PARD3B: variants seen among roughly 807,000 people sequenced by gnomAD.
The protein encoded by PARD3B is par-3 family cell polarity regulator beta.
PARD3B carries 103 observed loss-of-function variants against 130.2 expected under a neutral mutation model. The ratio of observed to expected loss-of-function variants is 0.79; its 90% CI spans 0.67 to 0.93. The LOEUF (loss-of-function observed/expected upper bound fraction) is 0.93, where lower values mean the gene tolerates loss of function less well. PARD3B is among the 40% of genes least tolerant of loss of function. The pLI, the probability that PARD3B is intolerant of heterozygous loss-of-function variation, is 0.00. For missense variants in PARD3B, 1,609 were observed against 1,499.2 expected, an observed-to-expected ratio of 1.07 and a Z score of -1.21; for synonymous variants, 583 against 553.2, an observed-to-expected ratio of 1.05 and a Z score of -0.76.
intron 2 of PARD3B, among the ~76,000 whole-genome samples, chr2:204,750,779 C>G (rs925221090): frequency 6.6e-6 from 1 of 152,110 alleles, no homozygotes; most frequent in African/African-American, 2.4e-5. Context: ...AGCTGGATGG[C>G]TTTGTTTGAC....
intron 18 of PARD3B, among the ~76,000 whole-genome samples, chr2:205,342,683 G>A (rs907161239): frequency 6.6e-6 from 1 of 152,066 alleles, no homozygotes; most frequent in Non-Finnish European, 1.5e-5. Context: ...TTACATCATG[G>A]TATTATTAGT....
intron 18 of PARD3B, among the ~76,000 whole-genome samples, chr2:205,368,857 AAAC>A (rs1422196947): frequency 2.6e-5 from 2 of 78,162 alleles, no homozygotes; most frequent in Admixed American, 2.0e-4. Context: ...GAGCTTGGGA[AAAC>A]AAAAAAAAAA....
rs369207159 is a variant in PARD3B at position 205,262,735 on chromosome 2, G to T, written c.2185+16913G>T. On this transcript the variant is annotated intron_variant, in intron 16 of 22. Coordinates refer to ENST00000406610, the MANE Select transcript of PARD3B (RefSeq NM_001302769.2). ...CTAAACACTATGTAGGGGAATACATGACATGAAAAGTCCTGACCTCTGTTT... is the reference window on the plus strand; with the variant it reads ...CTAAACACTATGTAGGGGAATACATTACATGAAAAGTCCTGACCTCTGTTT... Among the ~76,000 whole-genome samples the T allele has an allele frequency of 4.6e-5, 7 of 152,194 alleles. No individual in the cohort carries two copies. The East Asian group carries it at 1.4e-3, about 29-fold the overall frequency.
chr2:204,634,399 T>A (rs1481517276), intron 1 of PARD3B, among the ~76,000 whole-genome samples: 1 of 152,176 alleles, frequency 6.6e-6, no homozygotes, highest in Non-Finnish European at 1.5e-5. Flanking sequence ...TGTTTATGGA[T>A]ACTTAAAGTT....
At chr2:205,522,497 G>A (rs575960613) in intron 21 of PARD3B, among the ~76,000 whole-genome samples, 14 of 151,888 alleles carry the variant, frequency 9.2e-5, no homozygotes, top group South Asian at 2.1e-4. Context: ...AACTATTGTC[G>A]TTAAAAAAAA....
Position 205,105,736 on chromosome 2 carries a change from G to A in PARD3B, c.593+1222G>A, listed in dbSNP as rs567228352. 4.0e-5 allele frequency among the ~76,000 whole-genome samples: 6 copies of A among 151,584 alleles called. No individual in the cohort carries two copies. In the South Asian group the frequency reaches 1.0e-3, roughly 26 times the overall value. ...GAGGATCACTTGAGTGCAGGAGTTC[G>A]AGTCCATCTTGCAACATAGGGAGAC... is the stretch of plus-strand genomic sequence containing the variant. On this transcript the variant is annotated intron_variant, in intron 5 of 22. Coordinates refer to ENST00000406610, the MANE Select transcript of PARD3B (RefSeq NM_001302769.2). The surrounding 1 kb of genome is among the most constrained non-coding windows in gnomAD (Gnocchi z 4.0).
chr2:205,522,434 C>T (rs1039651742), intron 21 of PARD3B, among the ~76,000 whole-genome samples: 8 of 151,900 alleles, frequency 5.3e-5, no homozygotes, highest in East Asian at 1.9e-4. Context: ...AGGACAGCGA[C>T]GTCTCCCATT....
chr2:204,684,328 C>T (rs555467253), intron 1 of PARD3B, among the ~76,000 whole-genome samples: 2 of 152,080 alleles, frequency 1.3e-5, no homozygotes, highest in Non-Finnish European at 2.9e-5. Context: ...TGGTTAAAAT[C>T]AACAGATTTC....
intron 18 of PARD3B, among the ~76,000 whole-genome samples, chr2:205,354,324 C>CT: frequency 6.6e-6 from 1 of 152,138 alleles, no homozygotes; most frequent in Middle Eastern, 3.4e-3. Flanking sequence ...GCAGGACGAG[C>CT]TGCAGACAAA....
At position 205,011,619 on chromosome 2, in the gene PARD3B, G is replaced by C. The variant is rs779929895; in HGVS notation, c.395-35962G>C. On this transcript the variant is annotated intron_variant, in intron 3 of 22. Transcript: ENST00000406610. The surrounding 1 kb of genome is among the most constrained non-coding windows in gnomAD (Gnocchi z 4.1). ...AGGCAGTGGGGCTTGCTAGGTGGCC[G>C]TCTTGGAGACAGGCTGCCATGGACT... Among the ~76,000 whole-genome samples, 3 of 152,118 alleles carry C rather than the reference G, an allele frequency of 2.0e-5. No individual in the cohort carries two copies. Among genetic ancestry groups the C allele is most frequent in the African/African-American group, 7.2e-5 (3 of 41,414 alleles).
chr2:205,047,544 G>T (rs1698883725), intron 3 of PARD3B, 37 bp from the exon 4 acceptor site: 4 of 1,391,836 alleles, frequency 2.9e-6, no homozygotes, highest in Non-Finnish European at 3.0e-6. Flanking sequence ...TCACCCCAGG[G>T]TTCTTTTGAC....
At chr2:205,474,322 C>T (rs558551329) in intron 20 of PARD3B, among the ~76,000 whole-genome samples, 136 of 151,980 alleles carry the variant, frequency 8.9e-4, no homozygotes, top group African/African-American at 3.2e-3. Flanking sequence ...TATTTTCATC[C>T]AGTGTTTCTT....
chr2:204,760,206 G>A (rs950426077), intron 2 of PARD3B, among the ~76,000 whole-genome samples: 1 of 152,040 alleles, frequency 6.6e-6, no homozygotes, highest in Non-Finnish European at 1.5e-5. Flanking sequence ...ACCTTAGTGG[G>A]TTGTAACATA....
intron 2 of PARD3B, among the ~76,000 whole-genome samples, chr2:204,863,061 C>G (rs530277427): frequency 6.6e-6 from 1 of 152,102 alleles, no homozygotes; most frequent in Non-Finnish European, 1.5e-5. Flanking sequence ...GGGCTCCATC[C>G]GGGACCAGCA....
chr2:205,612,895 G>T (rs2055285858), intron 22 of PARD3B, among the ~76,000 whole-genome samples: 1 of 152,198 alleles, frequency 6.6e-6, no homozygotes, highest in Non-Finnish European at 1.5e-5. Context: ...AGCACTGGCT[G>T]CCTGGGAGGA....
At chr2:205,205,157 T>A (rs1205728945) in intron 15 of PARD3B, among the ~76,000 whole-genome samples, 1 of 152,160 alleles carries the variant, frequency 6.6e-6, no homozygotes, top group Admixed American at 6.5e-5. Context: ...CTTGAAGAGG[T>A]CCTTCACATC....
At chr2:205,126,783 A>AAAAG (rs2031476557) in intron 10 of PARD3B, among the ~76,000 whole-genome samples, 1 of 139,720 alleles carries the variant, frequency 7.2e-6, no homozygotes, top group African/African-American at 2.5e-5. Context: ...AAAAAAAAAA[A>AAAAG]AAAATTGATA....
intron 2 of PARD3B, among the ~76,000 whole-genome samples, chr2:204,766,523 A>T (rs1056874622): frequency 1.3e-5 from 2 of 152,104 alleles, no homozygotes; most frequent in African/African-American, 4.8e-5. Flanking sequence ...ATTTTAGTGT[A>T]CTATACTCTT....
intron 2 of PARD3B, among the ~76,000 whole-genome samples, chr2:204,846,092 T>A (rs1479275038): frequency 6.6e-6 from 1 of 151,616 alleles, no homozygotes; most frequent in Non-Finnish European, 1.5e-5. Context: ...GGAAAAAAAA[T>A]GCAAAGGTTT....
Sources: allele counts gnomAD v4.1 joint callset (sites outside exome capture counted in the v4.1 genomes callset), GRCh38; gene constraint gnomAD v4.1.1; non-coding constraint Gnocchi (gnomAD v3.1); transcripts MANE v1.5; gene names NCBI Gene and HGNC (gene_info 2026-07-23, HGNC 2026-07-21).